The following ASAP1 variants were observed in gnomAD, a reference collection of about 807,000 sequenced individuals.
ASAP1 encodes the protein arf-GAP with SH3 domain, ANK repeat and PH domain-containing protein 1.
ASAP1 carries 43 observed loss-of-function variants against 145.2 expected under a neutral mutation model. That is an observed-to-expected ratio of 0.30 (90% CI 0.23 to 0.38). The LOEUF (loss-of-function observed/expected upper bound fraction) is 0.38, where lower values mean the gene tolerates loss of function less well. Ranked by LOEUF, ASAP1 falls within the 10% of genes least tolerant of loss-of-function variation. ASAP1 has a pLI of 1.00. For synonymous variants in ASAP1, 546 were observed against 515.5 expected (o/e 1.06, Z -0.80); for missense variants, 1,018 against 1,355.3 (o/e 0.75, Z 3.91).
chr8:130,251,584 T>C (rs1011340301), intron 3 of ASAP1, among the ~76,000 whole-genome samples: 1 of 152,068 alleles, frequency 6.6e-6, no homozygotes, highest in Non-Finnish European at 1.5e-5. Flanking sequence ...TCAATTTTTA[T>C]AGAACAAACA....
chr8:130,092,000 G>T lies in ASAP1; in HGVS notation c.2545C>A (p.Pro849Thr). 6.4e-7 allele frequency: 1 copy of T among 1,560,286 alleles called. No homozygotes were observed. The change falls in exon 25 of 30, where the codon CCC (proline) becomes ACC (threonine). Residue 849 changes from proline to threonine, a missense_variant. Physicochemically the swap from Pro to Thr is conservative, Grantham distance 38. Transcript: ENST00000518721. ...SDPPSPLPHG[P>T]PNKGAVPWGN... Reference sequence around the variant, plus strand: ...CAAGGAACTGCGCCTTTGTTTGGGGGCCCATGAGGTAGTGGGCTGGGAGGG... The same window carrying T: ...CAAGGAACTGCGCCTTTGTTTGGGGTCCCATGAGGTAGTGGGCTGGGAGGG...
intron 3 of ASAP1, among the ~76,000 whole-genome samples, chr8:130,354,181 C>T (rs746825039): frequency 6.6e-6 from 1 of 152,242 alleles, no homozygotes; most frequent in Non-Finnish European, 1.5e-5. Context: ...TGAGCCACCG[C>T]GCCCAGCCGG....
rs548589106 is a variant in ASAP1, at chr8:130,366,152, T to C, written c.60-8009A>G. Among the ~76,000 whole-genome samples, 18 of 152,328 alleles carry C rather than the reference T, an allele frequency of 1.2e-4. No individual in the cohort carries two copies. The South Asian group carries it at 1.4e-3, about 12-fold the overall frequency. On this transcript the variant is annotated intron_variant, in intron 2 of 29. Transcript: ENST00000518721. ...ACCTTTCCCAGTTATATTTCAAGGA[T>C]AGGATTAAAGACCTTCAGAAACTCC...
Position 130,080,064 on chromosome 8 carries a change from G to A in ASAP1, c.2573-93C>T, listed in dbSNP as rs150967413. ...TTGGCCTGTAGACAGGCATTGCTCA[G>A]GTTCCAGAACGGCATTTAAAAGACC... On this transcript the variant is annotated intron_variant, in intron 25 of 29. Transcript: ENST00000518721. 1.5e-4 allele frequency: 173 copies of A among 1,179,804 alleles called. 5 individuals are homozygous for A. The East Asian group carries it at 2.5e-3, about 17-fold the overall frequency. The allele number at this position is 1,179,804 out of a possible 1,614,324, so 73.1% of individuals were successfully genotyped here. A position where few individuals can be genotyped will look rare whatever the true frequency, so the allele number is the denominator to read the frequency against.
intron 14 of ASAP1, among the ~76,000 whole-genome samples, chr8:130,135,535 A>C (rs202245694): frequency 1.4e-5 from 2 of 145,966 alleles, no homozygotes; most frequent in African/African-American, 5.0e-5. Flanking sequence ...AAACAAAAAA[A>C]AGAACATGCC....
chr8:130,281,276 C>T (rs972076968), intron 3 of ASAP1, among the ~76,000 whole-genome samples: 1 of 152,166 alleles, frequency 6.6e-6, no homozygotes, highest in Admixed American at 6.5e-5. Context: ...CGTGGATCAA[C>T]ATAAACAATG....
At chr8:130,310,171 G>C (rs987896931) in intron 3 of ASAP1, among the ~76,000 whole-genome samples, 1 of 151,248 alleles carries the variant, frequency 6.6e-6, no homozygotes, top group Non-Finnish European at 1.5e-5. Flanking sequence ...GAGGGGAGGA[G>C]ATAAAGATAG....
chr8:130,324,066 A>G (rs1379431729), intron 3 of ASAP1, among the ~76,000 whole-genome samples: 1 of 152,200 alleles, frequency 6.6e-6, no homozygotes, highest in Non-Finnish European at 1.5e-5. Flanking sequence ...CAGCTCTGTT[A>G]GAAACCAACT....
At chr8:130,416,723 A>G (rs1477433263) in intron 1 of ASAP1, among the ~76,000 whole-genome samples, 4 of 152,338 alleles carry the variant, frequency 2.6e-5, no homozygotes, top group Non-Finnish European at 4.4e-5. Flanking sequence ...TGGCTCAGCT[A>G]CCTGCTTAGG....
In ASAP1 at chr8:130,066,726, T is replaced by A. The variant is rs565675845; in HGVS notation, c.2702-5657A>T. On this transcript the variant is annotated intron_variant, in intron 27 of 29. Transcript: ENST00000518721. ...TTTACTTTGCCCTAACCTAAAGGCA[T>A]GGGCAGTCATAGCACATTGATGTAA... 3.3e-5 allele frequency among the ~76,000 whole-genome samples: 5 copies of A among 152,310 alleles called. No homozygotes were observed. In the East Asian group the frequency reaches 9.6e-4, roughly 29 times the overall value.
chr8:130,191,064 T>C (rs62525880), intron 5 of ASAP1, among the ~76,000 whole-genome samples: 3 of 136,646 alleles, frequency 2.2e-5, no homozygotes, highest in South Asian at 2.4e-4. Flanking sequence ...TTTTTTTTTT[T>C]CCACTGCTCT....
At chr8:130,265,700 G>T (rs1410183822) in intron 3 of ASAP1, among the ~76,000 whole-genome samples, 1 of 152,104 alleles carries the variant, frequency 6.6e-6, no homozygotes, top group East Asian at 1.9e-4. Context: ...TGGGCATCAT[G>T]GCAAAACCCT....
chr8:130,186,665 C>T (rs936386624), intron 7 of ASAP1, among the ~76,000 whole-genome samples: 9 of 152,208 alleles, frequency 5.9e-5, no homozygotes, highest in African/African-American at 2.2e-4. Flanking sequence ...GTGGTCAAGA[C>T]AGACCTGGAG....
intron 4 of ASAP1, among the ~76,000 whole-genome samples, chr8:130,215,526 G>A (rs766841217): frequency 3.9e-5 from 6 of 152,152 alleles, no homozygotes; most frequent in Admixed American, 6.5e-5. Flanking sequence ...GGCCGATCAC[G>A]AGGTCAGGAG....
intron 3 of ASAP1, among the ~76,000 whole-genome samples, chr8:130,297,841 C>T (rs1009723794): frequency 1.3e-5 from 2 of 152,178 alleles, no homozygotes; most frequent in African/African-American, 2.4e-5. Flanking sequence ...ATTTAACTGC[C>T]ACATTTTAGA....
chr8:130,274,716 A>G (rs1165291467), intron 3 of ASAP1, among the ~76,000 whole-genome samples: 2 of 152,246 alleles, frequency 1.3e-5, no homozygotes, highest in South Asian at 4.1e-4. Flanking sequence ...TCTTTTCCTT[A>G]GCAGAGTACC....
At chr8:130,087,248 G>A (rs1197121775) in intron 25 of ASAP1, among the ~76,000 whole-genome samples, 1 of 152,082 alleles carries the variant, frequency 6.6e-6, no homozygotes, top group Non-Finnish European at 1.5e-5. Flanking sequence ...GGCCAAGTTC[G>A]GTGGCTCATG....
At chr8:130,366,622 G>A (rs905726512) in intron 2 of ASAP1, among the ~76,000 whole-genome samples, 2 of 152,134 alleles carry the variant, frequency 1.3e-5, no homozygotes, top group African/African-American at 4.8e-5. Context: ...CTAAGAGTGT[G>A]CGATCTGGAT....
chr8:130,411,592 T>G (rs923988219), intron 1 of ASAP1, among the ~76,000 whole-genome samples: 1 of 152,166 alleles, frequency 6.6e-6, no homozygotes, highest in African/African-American at 2.4e-5. Flanking sequence ...GCTGGCTTCT[T>G]GGGGAAACCA....
Sources: allele counts gnomAD v4.1 joint callset (sites outside exome capture counted in the v4.1 genomes callset), GRCh38; gene constraint gnomAD v4.1.1; transcripts MANE v1.5; gene names NCBI Gene and HGNC (gene_info 2026-07-23, HGNC 2026-07-21).